PIK3C3: variants seen among roughly 807,000 people sequenced by gnomAD.
PIK3C3 encodes the protein phosphatidylinositol 3-kinase catalytic subunit type 3.
In PIK3C3, 95 loss-of-function variants were observed where a neutral mutation model predicts 126.1. The observed-to-expected ratio is 0.75, with a 90% CI of 0.64 to 0.89. The LOEUF is 0.89. PIK3C3 is among the 40% of genes least tolerant of loss of function. The pLI, the probability that PIK3C3 is intolerant of heterozygous loss-of-function variation, is 0.00. For synonymous variants in PIK3C3, 374 were observed against 360.0 expected (o/e 1.04, Z -0.44); for missense variants, 829 against 1,063.2 (o/e 0.78, Z 3.06).
intron 7 of PIK3C3, 118 bp downstream of exon 7, chr18:41,993,459 T>C: frequency 1.6e-6 from 1 of 643,576 alleles, no homozygotes; most frequent in Non-Finnish European, 2.8e-6. Flanking sequence ...TACCTAAAAG[T>C]GATTCATAAA....
At chr18:42,054,257 T>C (rs1332956989) in intron 21 of PIK3C3, among the ~76,000 whole-genome samples, 1 of 145,040 alleles carries the variant, frequency 6.9e-6, no homozygotes, top group Non-Finnish European at 1.5e-5. Flanking sequence ...GTCTGCAGGC[T>C]GAGGAGCAAG....
intron 12 of PIK3C3, among the ~76,000 whole-genome samples, chr18:42,017,667 C>T (rs1983135159): frequency 6.6e-6 from 1 of 152,034 alleles, no homozygotes; most frequent in African/African-American, 2.4e-5. Context: ...TGGTAACCCT[C>T]TTGATATCTA....
chr18:42,000,487 A>C (rs144749706), intron 9 of PIK3C3, among the ~76,000 whole-genome samples: 1 of 152,298 alleles, frequency 6.6e-6, no homozygotes, highest in Non-Finnish European at 1.5e-5. Context: ...AGAAGAAGCT[A>C]TACAAGTAAG....
At chr18:42,075,325 T>A (rs1299042131) in intron 24 of PIK3C3, among the ~76,000 whole-genome samples, 2 of 152,144 alleles carry the variant, frequency 1.3e-5, no homozygotes, top group Non-Finnish European at 2.9e-5. Context: ...TAGTAATTAA[T>A]TTTCTAAAGA....
At chr18:42,025,664 C>T (rs1983533571) in intron 13 of PIK3C3, 1 of 152,090 alleles carries the variant, frequency 6.6e-6, no homozygotes, top group Non-Finnish European at 1.5e-5. Context: ...TACATGTGTT[C>T]AGTTAGAAAT....
At chr18:41,970,485 A>G (rs1980611446) in intron 4 of PIK3C3, 29 bp downstream of exon 4, 3 of 1,605,166 alleles carry the variant, frequency 1.9e-6, no homozygotes, top group South Asian at 2.2e-5. Flanking sequence ...AACAGGTGCA[A>G]AGCTCTGACT....
chr18:41,988,307 A>G (rs1981598523), intron 5 of PIK3C3, among the ~76,000 whole-genome samples: 2 of 152,264 alleles, frequency 1.3e-5, no homozygotes, highest in East Asian at 1.9e-4. Context: ...TTACTTGTCT[A>G]TGTACTACAT....
chr18:41,960,805 T>C (rs1242931971), intron 2 of PIK3C3, among the ~76,000 whole-genome samples: 2 of 151,862 alleles, frequency 1.3e-5, no homozygotes, highest in Non-Finnish European at 2.9e-5. Flanking sequence ...TGCAGTGGCA[T>C]GATCTTGGCT....
At chr18:41,992,432 C>G (rs1017458328) in intron 6 of PIK3C3, among the ~76,000 whole-genome samples, 1 of 152,178 alleles carries the variant, frequency 6.6e-6, no homozygotes, top group Non-Finnish European at 1.5e-5. Context: ...CTTTCAGTCT[C>G]TCTTGAGTTT....
At chr18:41,979,089 A>G (rs971495230) in intron 4 of PIK3C3, among the ~76,000 whole-genome samples, 1 of 141,748 alleles carries the variant, frequency 7.1e-6, no homozygotes, top group Middle Eastern at 3.5e-3. Context: ...AAAAAAAAAG[A>G]GTTCACATAG....
At chr18:42,004,577 A>C (rs889539621) in intron 10 of PIK3C3, 36 bp downstream of exon 10, 14 of 1,485,714 alleles carry the variant, frequency 9.4e-6, no homozygotes, top group Non-Finnish European at 1.3e-5. Context: ...TCAATGGGTC[A>C]TTTTAAACTA....
intron 15 of PIK3C3, among the ~76,000 whole-genome samples, chr18:42,032,660 ATTTAT>A (rs1316260610): frequency 6.7e-6 from 1 of 149,272 alleles, no homozygotes; most frequent in Non-Finnish European, 1.5e-5. Flanking sequence ...TTATTTATTT[ATTTAT>A]TTTAATTAGC....
At chr18:41,967,105 AAG>A (rs1306108552) in intron 3 of PIK3C3, among the ~76,000 whole-genome samples, 1 of 152,104 alleles carries the variant, frequency 6.6e-6, no homozygotes, top group Non-Finnish European at 1.5e-5. Context: ...CATTGGAGAA[AAG>A]CCAGGCATTT....
intron 13 of PIK3C3, among the ~76,000 whole-genome samples, chr18:42,023,214 A>T (rs1983405132): frequency 6.6e-6 from 1 of 152,186 alleles, no homozygotes; most frequent in Non-Finnish European, 1.5e-5. Flanking sequence ...GTATATACTG[A>T]TTATGTGGTG....
intron 22 of PIK3C3, among the ~76,000 whole-genome samples, chr18:42,060,498 C>T (rs571220225): frequency 9.9e-5 from 15 of 152,198 alleles, no homozygotes; most frequent in South Asian, 6.2e-4. Flanking sequence ...CAGCTGGGCA[C>T]GGTGACTCAC....
chr18:41,966,626 T>C (rs1980385073), intron 3 of PIK3C3, among the ~76,000 whole-genome samples: 1 of 152,170 alleles, frequency 6.6e-6, no homozygotes, highest in Admixed American at 6.5e-5. Context: ...TGACAAAAAC[T>C]ATGCTATTAA....
chr18:42,038,533 A>G (rs1188033119), intron 17 of PIK3C3, among the ~76,000 whole-genome samples: 1 of 151,946 alleles, frequency 6.6e-6, no homozygotes, highest in African/African-American at 2.4e-5. Flanking sequence ...TAGTAGAGAC[A>G]GGGTTTCACC....
intron 15 of PIK3C3, among the ~76,000 whole-genome samples, chr18:42,032,668 T>TTTA (rs1258783778): frequency 8.3e-6 from 1 of 120,736 alleles, no homozygotes; most frequent in African/African-American, 3.4e-5. Context: ...TTATTTATTT[T>TTTA]AATTAGCGCA....
chr18:42,034,074 T>TTAGTAAATGC lies in PIK3C3; in HGVS notation c.1839+121_1839+130dup, dbSNP rs1457824899. 31 of 623,272 alleles carry TTAGTAAATGC rather than the reference T, an allele frequency of 5.0e-5. No individual in the cohort carries two copies. In the Admixed American group the frequency reaches 6.3e-4, roughly 13 times the overall value. The allele number at this position is 623,272 out of a possible 1,614,324, so 38.6% of individuals were successfully genotyped here. The stretch of plus-strand genomic sequence containing the variant: ...GATCACATCTATAATTCTAGTTGAT[T>TTAGTAAATGC]TAGTAAATGCTAGATTGAAGGGTAC... On this transcript the variant is annotated intron_variant, in intron 16 of 24. Transcript: ENST00000262039.
Sources: allele counts gnomAD v4.1 joint callset (sites outside exome capture counted in the v4.1 genomes callset), GRCh38; gene constraint gnomAD v4.1.1; transcripts MANE v1.5; gene names NCBI Gene and HGNC (gene_info 2026-07-23, HGNC 2026-07-21).